MCCC2: variants seen among roughly 807,000 people sequenced by gnomAD.
MCCC2 encodes methylcrotonoyl-CoA carboxylase beta chain, mitochondrial.
Under a neutral mutation model 77.2 loss-of-function variants are expected in MCCC2, and 52 were observed. The observed-to-expected ratio is 0.67, with a 90% confidence interval of 0.54 to 0.85. The LOEUF is 0.85. MCCC2 is among the 40% of genes least tolerant of loss of function. The probability of loss-of-function intolerance (pLI) is 0.00; values close to 1 mark genes in which losing one functional copy is unlikely to be tolerated. For synonymous variants in MCCC2, 253 were observed against 248.4 expected (o/e 1.02, Z -0.18); for missense variants, 682 against 703.2 (o/e 0.97, Z 0.34).
At chr5:71,647,933 A>C (rs753519864) in intron 13 of MCCC2, among the ~76,000 whole-genome samples, 23 of 131,576 alleles carry the variant, frequency 1.7e-4, no homozygotes, top group Non-Finnish European at 3.4e-4. Flanking sequence ...CAGAGAATAG[A>C]GGGATGGTGG....
chr5:71,627,528 C>T lies in MCCC2; in HGVS notation c.738+775C>T, dbSNP rs376250308. Among the ~76,000 whole-genome samples the T allele has an allele frequency of 3.0e-4, 45 of 152,264 alleles. 1 individual carries two copies. Among genetic ancestry groups the T allele is most frequent in the South Asian group, 1.9e-3 (9 of 4,826 alleles). On this transcript the variant is annotated intron_variant, in intron 7 of 16. Coordinates refer to ENST00000340941, the MANE Select transcript of MCCC2 (RefSeq NM_022132.5). ...TTCTGCTTTTGGGTATTATGAATAA[C>T]GGCGCTTTGAATGTATAGGTTTTTG...
intron 2 of MCCC2, among the ~76,000 whole-genome samples, chr5:71,596,041 T>A (rs375428872): frequency 1.2e-4 from 18 of 152,220 alleles, no homozygotes; most frequent in African/African-American, 3.8e-4. Context: ...ATTCAGAACA[T>A]AGACTCTAGG....
At chr5:71,654,214 C>T (rs1424223651) in intron 16 of MCCC2, among the ~76,000 whole-genome samples, 1 of 152,128 alleles carries the variant, frequency 6.6e-6, no homozygotes, top group African/African-American at 2.4e-5. Context: ...CCAGGCTGGT[C>T]TTGAATGCCT....
intron 7 of MCCC2, among the ~76,000 whole-genome samples, chr5:71,627,202 A>G (rs1305060411): frequency 6.6e-6 from 1 of 152,252 alleles, no homozygotes; most frequent in Admixed American, 6.5e-5. Context: ...ATAATGTTCC[A>G]TTGTATGTAT....
intron 6 of MCCC2, among the ~76,000 whole-genome samples, chr5:71,605,792 CA>C (rs1372479285): frequency 6.6e-6 from 1 of 152,100 alleles, no homozygotes; most frequent in African/African-American, 2.4e-5. Flanking sequence ...CAGCTTTCTA[CA>C]TATGGCTAGC....
At chr5:71,656,451 C>T (rs530290933) in intron 16 of MCCC2, among the ~76,000 whole-genome samples, 5 of 152,116 alleles carry the variant, frequency 3.3e-5, no homozygotes, top group East Asian at 1.9e-4. Flanking sequence ...AATAAGTAAA[C>T]GTATTGTCAA....
chr5:71,640,463 G>C (rs1747092421), intron 10 of MCCC2, among the ~76,000 whole-genome samples: 1 of 149,124 alleles, frequency 6.7e-6, no homozygotes, highest in Non-Finnish European at 1.5e-5. Context: ...AGAGCTGGGA[G>C]TCAGAGCTGG....
intron 12 of MCCC2, 45 bp from the exon 13 acceptor site, chr5:71,646,166 G>C (rs1561846926): frequency 6.7e-7 from 1 of 1,497,296 alleles, no homozygotes; most frequent in African/African-American, 1.4e-5. Flanking sequence ...GATGATAATA[G>C]AGTTAATTCC....
At chr5:71,612,445 G>A (rs1745991865) in intron 6 of MCCC2, among the ~76,000 whole-genome samples, 1 of 152,118 alleles carries the variant, frequency 6.6e-6, no homozygotes, top group Non-Finnish European at 1.5e-5. Context: ...AGAAACTTCG[G>A]CTTTGCTTAC....
intron 2 of MCCC2, among the ~76,000 whole-genome samples, chr5:71,595,915 A>G (rs1462746716): frequency 6.6e-6 from 1 of 152,228 alleles, no homozygotes; most frequent in Non-Finnish European, 1.5e-5. Context: ...AAATGAAGAT[A>G]GGAATTTTCC....
intron 3 of MCCC2, among the ~76,000 whole-genome samples, chr5:71,597,373 G>A (rs1291934250): frequency 6.6e-6 from 1 of 152,156 alleles, no homozygotes; most frequent in Non-Finnish European, 1.5e-5. Flanking sequence ...CTATTGTAGG[G>A]TTTTGAACAG....
At chr5:71,650,402 T>G (rs1419149877) in intron 15 of MCCC2, among the ~76,000 whole-genome samples, 1 of 152,204 alleles carries the variant, frequency 6.6e-6, no homozygotes, top group East Asian at 1.9e-4. Context: ...TGGGGTACTT[T>G]CTTTGTGGCC....
intron 5 of MCCC2, 124 bp downstream of exon 5, chr5:71,602,757 T>G (rs1745491761): frequency 4.3e-6 from 6 of 1,404,254 alleles, no homozygotes; most frequent in Non-Finnish European, 5.9e-6. Context: ...CCTGTAATTA[T>G]AAAGGAAACA....
chr5:71,648,232 A>G (rs1747324407), intron 13 of MCCC2, among the ~76,000 whole-genome samples: 1 of 152,210 alleles, frequency 6.6e-6, no homozygotes, highest in African/African-American at 2.4e-5. Context: ...TCAATGAGGC[A>G]GGTGAGTCTG....
chr5:71,654,453 G>A (rs944018910), intron 16 of MCCC2, among the ~76,000 whole-genome samples: 1 of 151,916 alleles, frequency 6.6e-6, no homozygotes, highest in South Asian at 2.1e-4. Context: ...TTTTATCATC[G>A]TGTAAACAGA....
At chr5:71,647,879 G>A (rs760598252) in intron 13 of MCCC2, among the ~76,000 whole-genome samples, 6 of 149,208 alleles carry the variant, frequency 4.0e-5, no homozygotes, top group South Asian at 4.4e-4. Flanking sequence ...TTGAGAAAGC[G>A]AAGTGAGATG....
intron 6 of MCCC2, among the ~76,000 whole-genome samples, chr5:71,607,727 T>G (rs999821779): frequency 3.7e-4 from 55 of 150,296 alleles, no homozygotes; most frequent in African/African-American, 1.3e-3. Context: ...GCTATAAATT[T>G]CCCTCTACAC....
chr5:71,598,367 C>T (rs545921262), intron 3 of MCCC2, among the ~76,000 whole-genome samples: 2 of 151,896 alleles, frequency 1.3e-5, no homozygotes, highest in South Asian at 2.1e-4. Flanking sequence ...CCACACCAGC[C>T]GATAAGTGAG....
intron 10 of MCCC2, chr5:71,636,334 T>A (rs1306443340): frequency 1.3e-5 from 2 of 159,986 alleles, no homozygotes; most frequent in African/African-American, 4.8e-5. Context: ...TAATTGTAAA[T>A]TTTTAAATGA....
Sources: allele counts gnomAD v4.1 joint callset (sites outside exome capture counted in the v4.1 genomes callset), GRCh38; gene constraint gnomAD v4.1.1; transcripts MANE v1.5; gene names NCBI Gene and HGNC (gene_info 2026-07-23, HGNC 2026-07-21).